Variants in SP100 observed in about 807,000 individuals in gnomAD.
The protein encoded by SP100 is SP100 nuclear body protein, also known as nuclear autoantigen Sp-100.
Under a neutral mutation model 130.0 loss-of-function variants are expected in SP100, and 84 were observed. The observed-to-expected ratio is 0.65, with a 90% CI of 0.54 to 0.77. SP100 has a LOEUF of 0.77. SP100 is among the 30% of genes least tolerant of loss of function. The probability of loss-of-function intolerance (pLI) is 0.00; values close to 1 mark genes in which losing one functional copy is unlikely to be tolerated. For synonymous variants in SP100, 331 were observed against 351.7 expected (o/e 0.94, Z 0.66); for missense variants, 978 against 1,052.2 (o/e 0.93, Z 0.97).
chr2:230,450,110 A>G, intron 7 of SP100, 62 bp from the exon 8 acceptor site: 3 of 1,233,218 alleles, frequency 2.4e-6, no homozygotes, highest in Non-Finnish European at 3.6e-6. Flanking sequence ...AGGTCTAACC[A>G]AATGGAAACA....
intron 2 of SP100, among the ~76,000 whole-genome samples, chr2:230,432,947 A>C (rs551855417): frequency 1.3e-5 from 2 of 152,270 alleles, no homozygotes; most frequent in South Asian, 4.1e-4. Context: ...TTCTTCCAAA[A>C]GTCTTATCAT....
chr2:230,490,402 T>C (rs1462564275), intron 17 of SP100, among the ~76,000 whole-genome samples: 1 of 152,208 alleles, frequency 6.6e-6, no homozygotes, highest in Non-Finnish European at 1.5e-5. Flanking sequence ...ACAGGTGAGA[T>C]GGGTCTCCTG....
chr2:230,424,066 T>C (rs932204053), intron 2 of SP100, among the ~76,000 whole-genome samples: 5 of 151,718 alleles, frequency 3.3e-5, no homozygotes, highest in African/African-American at 1.2e-4. Context: ...TGGGGAAGGG[T>C]GATGTGAAGT....
At chr2:230,431,526 G>T (rs1278877362) in intron 2 of SP100, among the ~76,000 whole-genome samples, 1 of 152,166 alleles carries the variant, frequency 6.6e-6, no homozygotes, top group Non-Finnish European at 1.5e-5. Flanking sequence ...TTTCACAAAG[G>T]CATCCTTGTC....
At position 230,444,162 on chromosome 2, in the gene SP100, T is replaced by C; in HGVS notation, c.271-16T>C. The C allele has an allele frequency of 7.2e-6, 11 of 1,534,674 alleles. No individual in the cohort carries two copies. Among genetic ancestry groups the C allele is most frequent in the Non-Finnish European group, 9.7e-6 (11 of 1,133,778 alleles). On this transcript the variant is annotated splice_polypyrimidine_tract_variant and intron_variant, in intron 3 of 28. Coordinates refer to ENST00000340126, the MANE Select transcript of SP100 (RefSeq NM_001080391.2). ...GAAGTCTTTATTTATATTTTCTCCA[T>C]TCAATATTTTTTAAGGATTCTCAAG...
intron 17 of SP100, among the ~76,000 whole-genome samples, chr2:230,478,088 A>G (rs1336253597): frequency 6.6e-6 from 1 of 152,178 alleles, no homozygotes; most frequent in South Asian, 2.1e-4. Context: ...TATACATTGT[A>G]TAAATTTATG....
chr2:230,513,282 A>G (rs191703771), intron 24 of SP100, among the ~76,000 whole-genome samples: 12 of 152,216 alleles, frequency 7.9e-5, no homozygotes, highest in Non-Finnish European at 1.3e-4. Flanking sequence ...AAATGTATCC[A>G]TGCAAGACAA....
At chr2:230,492,832 T>C (rs552018418) in intron 17 of SP100, among the ~76,000 whole-genome samples, 1 of 152,356 alleles carries the variant, frequency 6.6e-6, no homozygotes, top group Non-Finnish European at 1.5e-5. Flanking sequence ...GTGTTATTTA[T>C]ACCTGAAAAA....
rs34345697 is a variant in SP100 at position 230,544,493 on chromosome 2, CTT to C, written c.*1557_*1558del. On this transcript the variant is annotated 3_prime_UTR_variant, in exon 29 of 29. Transcript: ENST00000340126. ...AAGTGGGCAAAGGACATGAAAGACA[CTT>C]TTTTTTTTTAAGATGGAGTTTCACT... 6.6e-6 allele frequency among the ~76,000 whole-genome samples: 1 copy of C among 150,808 alleles called. No individual in the cohort carries two copies. The highest frequency in any genetic ancestry group is 2.4e-5 in the African/African-American group (1 of 40,930).
Position 230,543,008 on chromosome 2 carries a change from C to A in SP100, c.*62C>A, listed in dbSNP as rs1559541815. Reference sequence around the variant, plus strand: ...TAGCTACGCAATGTGCCTGTGGTCCCACTAATCTGTGACTGCTCCTGTGGA... The same window carrying A: ...TAGCTACGCAATGTGCCTGTGGTCCAACTAATCTGTGACTGCTCCTGTGGA... On this transcript the variant is annotated 3_prime_UTR_variant, in exon 29 of 29. Transcript: ENST00000340126. The A allele has an allele frequency of 2.2e-6, 2 of 901,452 alleles. No homozygotes were observed. The highest frequency in any genetic ancestry group is 3.3e-5 in the African/African-American group (2 of 60,768). 55.8% of individuals were successfully genotyped at this position (901,452 alleles called of 1,614,324 possible).
In SP100 at chr2:230,444,289, G is replaced by T; in HGVS notation, c.382G>T (p.Asp128Tyr). 1.9e-6 allele frequency: 3 copies of T among 1,613,960 alleles called. No individual in the cohort carries two copies. Among genetic ancestry groups the T allele is most frequent in the Non-Finnish European group, 2.5e-6 (3 of 1,179,878 alleles). Residue 128 changes from aspartate (D) to tyrosine (Y), a missense_variant, in exon 4 of 29, where the codon GAT (aspartate) becomes TAT (tyrosine). By Grantham distance (160) the Asp-to-Tyr change is radical. Coordinates refer to ENST00000340126, the MANE Select transcript of SP100 (RefSeq NM_001080391.2). Reference sequence around the variant, plus strand: ...GCCAGTTCTGGAAGCACTGTTCAGCGATGTCAACATGCAGGAATACCCCGA... The same window carrying T: ...GCCAGTTCTGGAAGCACTGTTCAGCTATGTCAACATGCAGGAATACCCCGA... The part of the protein sequence containing the change: ...NLPVLEALFS[D>Y]VNMQEYPDLI...
chr2:230,418,431 G>A (rs1240547028), intron 2 of SP100, among the ~76,000 whole-genome samples: 1 of 152,040 alleles, frequency 6.6e-6, no homozygotes, highest in Non-Finnish European at 1.5e-5. Context: ...AGAACTTTGG[G>A]ATATTCTCCT....
At chr2:230,542,761 C>A in intron 28 of SP100, 75 bp from the exon 29 acceptor site, 1 of 800,108 alleles carries the variant, frequency 1.2e-6, no homozygotes. Context: ...AAAATGAGGC[C>A]CCAGATTATC....
chr2:230,491,115 A>T (rs1220681284), intron 17 of SP100, among the ~76,000 whole-genome samples: 1 of 152,146 alleles, frequency 6.6e-6, no homozygotes, highest in Admixed American at 6.5e-5. Context: ...TACTCCAATC[A>T]GTCATAGGTT....
intron 8 of SP100, among the ~76,000 whole-genome samples, chr2:230,459,615 T>C (rs924817466): frequency 6.6e-6 from 1 of 152,256 alleles, no homozygotes; most frequent in Non-Finnish European, 1.5e-5. Flanking sequence ...TGTAACAAAC[T>C]ATCCTGAAAC....
At chr2:230,462,573 A>G (rs2064714796) in intron 10 of SP100, 55 bp downstream of exon 10, 4 of 1,314,780 alleles carry the variant, frequency 3.0e-6, no homozygotes, top group Non-Finnish European at 4.4e-6. Flanking sequence ...TTTAAGAGCT[A>G]CTATTTCCTG....
chr2:230,536,042 T>G (rs896812024), intron 24 of SP100, among the ~76,000 whole-genome samples: 2 of 151,712 alleles, frequency 1.3e-5, no homozygotes, highest in Non-Finnish European at 2.9e-5. Context: ...CAGTTTAAGA[T>G]AGCCTACATG....
At chr2:230,430,199 A>C (rs191576213) in intron 2 of SP100, among the ~76,000 whole-genome samples, 56 of 152,206 alleles carry the variant, frequency 3.7e-4, no homozygotes, top group African/African-American at 1.3e-3. Context: ...TGCTGTTGAG[A>C]TCTCCAGCTG....
intron 17 of SP100, among the ~76,000 whole-genome samples, chr2:230,476,289 C>T (rs1429170465): frequency 6.6e-6 from 1 of 152,096 alleles, no homozygotes; most frequent in Non-Finnish European, 1.5e-5. Flanking sequence ...ATCTCATTTT[C>T]TTTATGGCTA....
Sources: allele counts gnomAD v4.1 joint callset (sites outside exome capture counted in the v4.1 genomes callset), GRCh38; gene constraint gnomAD v4.1.1; transcripts MANE v1.5; gene names NCBI Gene and HGNC (gene_info 2026-07-23, HGNC 2026-07-21).